CATSPERE: variants seen among roughly 807,000 people sequenced by gnomAD.
The protein encoded by CATSPERE is cation channel sperm-associated auxiliary subunit epsilon.
A neutral mutation model predicts 114.1 loss-of-function variants in CATSPERE; 93 were observed. The ratio of observed to expected loss-of-function variants is 0.81; its 90% CI spans 0.69 to 0.97. CATSPERE has a LOEUF of 0.97. Ranked by LOEUF, CATSPERE falls within the 50% of genes least tolerant of loss-of-function variation. The pLI, the probability that CATSPERE is intolerant of heterozygous loss-of-function variation, is 0.00. For missense variants in CATSPERE, 1,058 were observed against 1,131.6 expected (o/e 0.93, Z 0.93); for synonymous variants, 341 against 384.1 (o/e 0.89, Z 1.31).
upstream of CATSPERE, among the ~76,000 whole-genome samples, chr1:244,452,681 A>C (rs995185527): frequency 6.6e-6 from 1 of 152,188 alleles, no homozygotes; most frequent in African/African-American, 2.4e-5. Context: ...CCCCACAACC[A>C]TATAAGGTAG....
intron 17 of CATSPERE, among the ~76,000 whole-genome samples, chr1:244,597,457 C>T (rs189822746): frequency 6.6e-6 from 1 of 151,946 alleles, no homozygotes; most frequent in African/African-American, 2.4e-5. Context: ...ATCTGGCTTC[C>T]AGAATAGCTC....
upstream of CATSPERE, among the ~76,000 whole-genome samples, chr1:244,453,646 T>G (rs7532478): frequency 6.6e-6 from 1 of 152,180 alleles, no homozygotes; most frequent in African/African-American, 2.4e-5. Flanking sequence ...TCTCTACTGG[T>G]GGGGTGCTGC....
chr1:244,525,742 G>A (rs1218919939), intron 8 of CATSPERE, among the ~76,000 whole-genome samples: 1 of 152,004 alleles, frequency 6.6e-6, no homozygotes, highest in Non-Finnish European at 1.5e-5. Context: ...AGCATTGTTT[G>A]CAATTGCAAA....
intron 6 of CATSPERE, among the ~76,000 whole-genome samples, chr1:244,494,170 C>T (rs1434492043): frequency 6.6e-6 from 1 of 151,992 alleles, no homozygotes; most frequent in Non-Finnish European, 1.5e-5. Flanking sequence ...TATTGCGGCA[C>T]TATTCACAAT....
chr1:244,530,038 C>G (rs1315880334), intron 8 of CATSPERE, among the ~76,000 whole-genome samples: 2 of 152,134 alleles, frequency 1.3e-5, no homozygotes, highest in Non-Finnish European at 2.9e-5. Flanking sequence ...ACCTCCACCT[C>G]CCATGTTCAA....
chr1:244,492,473 C>G (rs531298208), intron 6 of CATSPERE, among the ~76,000 whole-genome samples: 329 of 148,068 alleles, frequency 2.2e-3, no homozygotes, highest in Middle Eastern at 6.9e-3. Flanking sequence ...CTATGACAAA[C>G]CCACAGCCAA....
At chr1:244,625,426 A>ATTTTTTTTTTTTTTT (rs1326525192) in intron 20 of CATSPERE, among the ~76,000 whole-genome samples, 23 of 3,942 alleles carry the variant, frequency 5.8e-3, no homozygotes, top group East Asian at 0.016. Context: ...ATATATATAT[A>ATTTTTTTTTTTTTTT]TATATATTTT....
chr1:244,530,304 C>G (rs2148415404), intron 8 of CATSPERE, among the ~76,000 whole-genome samples: 1 of 152,228 alleles, frequency 6.6e-6, no homozygotes, highest in African/African-American at 2.4e-5. Flanking sequence ...TGCTTACTAC[C>G]TTTCTCAAAA....
In CATSPERE at chr1:244,625,406, T is replaced by TAATATA. The variant is rs74162779; in HGVS notation, c.2648+7720_2648+7721insAATATA. ...TTATTTTTATTATTATTATTATTAT[T>TAATATA]TATATATATATATATATATATATAT... On this transcript the variant is annotated intron_variant, in intron 20 of 21. Transcript: ENST00000366534. Among the ~76,000 whole-genome samples, 39 of 12,878 alleles carry TAATATA rather than the reference T, an allele frequency of 3.0e-3. 6 individuals are homozygous for TAATATA. The highest frequency in any genetic ancestry group is 0.01 in the East Asian group (3 of 290). The allele number at this position is 12,878 out of a possible 152,430, so 8.4% of individuals were successfully genotyped here. A position where few individuals can be genotyped will look rare whatever the true frequency, so the allele number is the denominator to read the frequency against.
At chr1:244,462,373 ATTAAT>A (rs1056218385) in intron 1 of CATSPERE, among the ~76,000 whole-genome samples, 83 of 152,346 alleles carry the variant, frequency 5.4e-4, no homozygotes, top group African/African-American at 1.9e-3. Context: ...CTGGGACTAA[ATTAAT>A]AAATTAAACG....
chr1:244,615,339 A>C (rs559306578), intron 19 of CATSPERE, among the ~76,000 whole-genome samples: 1 of 152,210 alleles, frequency 6.6e-6, no homozygotes, highest in African/African-American at 2.4e-5. Context: ...AATTAGCTGC[A>C]GACCTTGATG....
Position 244,584,421 on chromosome 1 carries a change from G to A in CATSPERE, c.2085+482G>A, listed in dbSNP as rs567377485. Among the ~76,000 whole-genome samples the A allele has an allele frequency of 6.6e-5, 10 of 152,186 alleles. 1 individual carries two copies. In the South Asian group the frequency reaches 1.7e-3, roughly 25 times the overall value. On this transcript the variant is annotated intron_variant, in intron 13 of 21. Transcript: ENST00000366534. ...GTGAAAAGAAAGGGATACACAAAAC[G>A]ACCAGTGATGAATAGGTAGAAGTTC...
chr1:244,466,931 T>C (rs916609770), intron 2 of CATSPERE, among the ~76,000 whole-genome samples: 7 of 152,200 alleles, frequency 4.6e-5, no homozygotes, highest in African/African-American at 1.7e-4. Flanking sequence ...TGGCTTCCTC[T>C]TTTTTACAAG....
intron 8 of CATSPERE, among the ~76,000 whole-genome samples, chr1:244,544,126 A>G (rs1450184357): frequency 6.6e-6 from 1 of 152,140 alleles, no homozygotes; most frequent in Non-Finnish European, 1.5e-5. Context: ...TATAGACCCA[A>G]AAGCCCTTAA....
At chr1:244,454,198 G>A (rs896081055), upstream of CATSPERE, among the ~76,000 whole-genome samples, 4 of 152,102 alleles carry the variant, frequency 2.6e-5, no homozygotes, top group South Asian at 2.1e-4. Context: ...GGCCTGTCTC[G>A]GGGTGACTAT....
chr1:244,463,533 CA>C (rs569666958), intron 1 of CATSPERE, among the ~76,000 whole-genome samples: 105 of 133,630 alleles, frequency 7.9e-4, no homozygotes, highest in African/African-American at 2.8e-3. Context: ...GTCTCAAAAA[CA>C]AAAAAAAAAG....
chr1:244,475,447 T>G (rs1375372679), intron 2 of CATSPERE, among the ~76,000 whole-genome samples: 1 of 151,942 alleles, frequency 6.6e-6, no homozygotes, highest in Non-Finnish European at 1.5e-5. Context: ...TTGGCCAGAC[T>G]GGTCTCGAAC....
intron 7 of CATSPERE, among the ~76,000 whole-genome samples, chr1:244,508,467 AT>A (rs539739228): frequency 2.0e-5 from 3 of 150,394 alleles, no homozygotes; most frequent in Admixed American, 6.6e-5. Context: ...CGCCCAGCTA[AT>A]TTTTTTTTAT....
chr1:244,586,935 C>T (rs1667106617), intron 13 of CATSPERE, among the ~76,000 whole-genome samples: 1 of 152,174 alleles, frequency 6.6e-6, no homozygotes, highest in Non-Finnish European at 1.5e-5. Context: ...ATAGATAAAG[C>T]TAAAGCATTC....
Sources: allele counts gnomAD v4.1 joint callset (sites outside exome capture counted in the v4.1 genomes callset), GRCh38; gene constraint gnomAD v4.1.1; transcripts MANE v1.5; gene names NCBI Gene and HGNC (gene_info 2026-07-23, HGNC 2026-07-21).